The following AFAP1L1 variants were observed in gnomAD, a reference collection of about 807,000 sequenced individuals.
AFAP1L1 encodes actin filament-associated protein 1-like 1.
AFAP1L1 carries 77 observed loss-of-function variants against 99.8 expected under a neutral mutation model. The ratio of observed to expected loss-of-function variants is 0.77; its 90% confidence interval spans 0.64 to 0.93. AFAP1L1 has a LOEUF of 0.93. AFAP1L1 is among the 40% of genes least tolerant of loss of function. The pLI, the probability that AFAP1L1 is intolerant of heterozygous loss-of-function variation, is 0.00. For missense variants in AFAP1L1, 893 were observed against 996.8 expected (o/e 0.90, Z 1.40); for synonymous variants, 373 against 395.3 (o/e 0.94, Z 0.67).
At position 149,335,695 on chromosome 5, in the gene AFAP1L1, C is replaced by T; in HGVS notation, c.2256C>T (p.Asn752=). 3.7e-6 allele frequency: 6 copies of T among 1,614,036 alleles called. No homozygotes were observed. The highest frequency in any genetic ancestry group is 5.1e-6 in the Non-Finnish European group (6 of 1,180,008). The part of the protein sequence containing the change: ...RKRSPSIVAS[N]QGRVLQKAKE... ...GGAGCCCATCCATCGTAGCCTCCAACCAAGGAAGGGTGCTACAGAAAGCCA... is the reference window on the plus strand; with the variant it reads ...GGAGCCCATCCATCGTAGCCTCCAATCAAGGAAGGGTGCTACAGAAAGCCA... Residue 752 remains asparagine, a synonymous_variant, in exon 18 of 19, where the codon AAC becomes AAT. Transcript: ENST00000296721.
At chr5:149,291,548 AAAGAAAG>A (rs1755860019) in intron 1 of AFAP1L1, among the ~76,000 whole-genome samples, 2 of 128,326 alleles carry the variant, frequency 1.6e-5, no homozygotes, top group South Asian at 2.6e-4. Context: ...AAAAAAAAAA[AAAGAAAG>A]AAAGAAGAGA....
intron 17 of AFAP1L1, 53 bp downstream of exon 17, chr5:149,332,926 C>A: frequency 6.8e-7 from 1 of 1,460,934 alleles, no homozygotes; most frequent in South Asian, 1.4e-5. Flanking sequence ...TCCCTCCACT[C>A]ACTACAGATC....
chr5:149,311,219 C>G (rs1756619853), intron 8 of AFAP1L1, among the ~76,000 whole-genome samples: 1 of 152,178 alleles, frequency 6.6e-6, no homozygotes, highest in Admixed American at 6.5e-5. Flanking sequence ...CATGATGGAA[C>G]ATTTGGTGTT....
intron 5 of AFAP1L1, among the ~76,000 whole-genome samples, chr5:149,303,869 A>G (rs1452180377): frequency 6.6e-6 from 1 of 152,158 alleles, no homozygotes; most frequent in Non-Finnish European, 1.5e-5. Context: ...CTGTGGTAAA[A>G]TACACGTAAG....
In AFAP1L1 at chr5:149,300,213, C is replaced by T. The variant is rs574749669; in HGVS notation, c.146-58C>T. 69 of 1,301,954 alleles carry T rather than the reference C, an allele frequency of 5.3e-5. No individual in the cohort carries two copies. In the East Asian group the frequency reaches 1.1e-3, roughly 21 times the overall value. The allele number at this position is 1,301,954 out of a possible 1,614,324, so 80.7% of individuals were successfully genotyped here. ...ATGTGGGCTAGAAGTATGAGTGGGACGGGGGAGACCTGGTCCCTCCTCCTT... is the reference window on the plus strand; with the variant it reads ...ATGTGGGCTAGAAGTATGAGTGGGATGGGGGAGACCTGGTCCCTCCTCCTT... On this transcript the variant is annotated intron_variant, in intron 2 of 18. Coordinates refer to ENST00000296721, the MANE Select transcript of AFAP1L1 (RefSeq NM_152406.4).
intron 1 of AFAP1L1, 25 bp downstream of exon 1, chr5:149,272,009 C>T (rs1031254821): frequency 5.7e-6 from 7 of 1,238,200 alleles, no homozygotes; most frequent in Non-Finnish European, 4.1e-6. Context: ...GACGCCCGCA[C>T]TTGTTGCGGC....
At position 149,343,176 on chromosome 5, in the gene AFAP1L1, CT is replaced by C. The variant is rs1757604659; in HGVS notation, c.*3147del. On this transcript the variant is annotated 3_prime_UTR_variant, in exon 19 of 19. Transcript: ENST00000296721. ...TGGTCATGACACATTTGAGTTGGACCTCGGATTAGATAAAAAGATGAAAATA... is the reference window on the plus strand; with the variant it reads ...TGGTCATGACACATTTGAGTTGGACCCGGATTAGATAAAAAGATGAAAATA... Among the ~76,000 whole-genome samples, 1 of 152,012 alleles carries C rather than the reference CT, an allele frequency of 6.6e-6. No homozygotes were observed. The highest frequency in any genetic ancestry group is 2.1e-4 in the South Asian group (1 of 4,818).
intron 10 of AFAP1L1, 46 bp from the exon 11 acceptor site, chr5:149,316,105 T>C (rs751644183): frequency 1.9e-6 from 3 of 1,597,198 alleles, no homozygotes; most frequent in Non-Finnish European, 2.6e-6. Context: ...TAAGGATGGG[T>C]GGGACTCAGG....
chr5:149,295,064 A>C (rs1755975066), intron 1 of AFAP1L1, among the ~76,000 whole-genome samples: 1 of 152,226 alleles, frequency 6.6e-6, no homozygotes. Context: ...AAAGACTTGC[A>C]GGTTCAGTGC....
At chr5:149,336,267 A>G (rs1448530072) in intron 18 of AFAP1L1, among the ~76,000 whole-genome samples, 1 of 152,226 alleles carries the variant, frequency 6.6e-6, no homozygotes, top group Non-Finnish European at 1.5e-5. Flanking sequence ...CATGTTAATA[A>G]TTCTACGGCA....
In AFAP1L1 at chr5:149,315,902, AC is replaced by A; in HGVS notation, c.1104del (p.Cys369ValfsTer14). 6.2e-7 allele frequency: 1 copy of A among 1,613,982 alleles called. No individual in the cohort carries two copies. Among genetic ancestry groups the A allele is most frequent in the Non-Finnish European group, 8.5e-7 (1 of 1,180,008 alleles). ...CTGTTCTACCCTTGGCCGCCGGGAG[AC>A]CTGTGATCACGGTAGGAGCCTCTGG... is the stretch of plus-strand genomic sequence containing the variant. Reference protein sequence around the residue: ...DNCSTLGRRETCDHGKGKKSS... With the variant: ...DNCSTLGRREXCDHGKGKKSS... On this transcript the variant is annotated frameshift_variant, in exon 10 of 19. Coordinates refer to ENST00000296721, the MANE Select transcript of AFAP1L1 (RefSeq NM_152406.4). LOFTEE classifies it high-confidence loss of function.
At chr5:149,311,589 C>G (rs182057495) in intron 8 of AFAP1L1, among the ~76,000 whole-genome samples, 2 of 152,366 alleles carry the variant, frequency 1.3e-5, no homozygotes, top group East Asian at 3.9e-4. Context: ...ATTCCCTGAT[C>G]TCATGCTTAT....
chr5:149,283,883 G>A (rs352361), intron 1 of AFAP1L1, among the ~76,000 whole-genome samples: 75,843 of 152,040 alleles, frequency 0.5, 20,205 homozygotes, highest in East Asian at 0.79. Context: ...GCAACCAGGT[G>A]CAGCTCTCAG....
intron 8 of AFAP1L1, 26 bp downstream of exon 8, chr5:149,310,161 C>T (rs749881630): frequency 5.8e-6 from 9 of 1,555,288 alleles, no homozygotes; most frequent in African/African-American, 2.7e-5. Context: ...CTGACCTTCC[C>T]GCCTTCTCAC....
intron 1 of AFAP1L1, among the ~76,000 whole-genome samples, chr5:149,291,323 C>T (rs7378629): frequency 0.87 from 132,378 of 151,426 alleles, 58,112 homozygotes; most frequent in Non-Finnish European, 0.91. Flanking sequence ...GGTCAACAGA[C>T]CGACACCATC....
chr5:149,317,656 A>T, intron 11 of AFAP1L1, 73 bp from the exon 12 acceptor site: 1 of 1,526,316 alleles, frequency 6.6e-7, no homozygotes, highest in Non-Finnish European at 8.9e-7. Flanking sequence ...TCCAGCAGAC[A>T]CATGGAGCCG....
At position 149,332,787 on chromosome 5, in the gene AFAP1L1, C is replaced by T. The variant is rs1252841331; in HGVS notation, c.2068C>T (p.Leu690=). ...GCGCCGGATTGACCTGGAGCTGAAG[C>T]TGGTGGCTGTGAAGGAGCGCTTGCA... ...EERRIDLELK[L]VAVKERLQQS... The change falls in exon 17 of 19, where the codon CTG becomes TTG. Residue 690 remains leucine, a synonymous_variant. Coordinates refer to ENST00000296721, the MANE Select transcript of AFAP1L1 (RefSeq NM_152406.4). The T allele has an allele frequency of 1.2e-6, 2 of 1,613,494 alleles. No homozygotes were observed. The highest frequency in any genetic ancestry group is 2.2e-5 in the South Asian group (2 of 91,042).
In AFAP1L1 at chr5:149,329,656, A is replaced by C; in HGVS notation, c.1811-10A>C. 3.1e-6 allele frequency: 5 copies of C among 1,609,974 alleles called. No individual in the cohort carries two copies. The highest frequency in any genetic ancestry group is 4.2e-6 in the Non-Finnish European group (5 of 1,178,434). On this transcript the variant is annotated splice_polypyrimidine_tract_variant and intron_variant, in intron 15 of 18. Transcript: ENST00000296721. ...AACTGAGGGCCTTTCCCTTCCCCAT[A>C]TCTCTGCAGGTGCCAATCAATACAA...
Position 149,316,263 on chromosome 5 carries a change from C to A in AFAP1L1, c.1227C>A (p.Asp409Glu). The A allele has an allele frequency of 6.2e-7, 1 of 1,614,050 alleles. No homozygotes were observed. The highest frequency in any genetic ancestry group is 8.5e-7 in the Non-Finnish European group (1 of 1,179,994). ...GFSKKKTLAD[D>E]LQTSSTEEEV... ...CCAAGAAGAAGACACTGGCCGATGA[C>A]CTGCAGACGTCCTCCACCGAGGAGG... is the stretch of plus-strand genomic sequence containing the variant. Residue 409 changes from aspartate to glutamate, a missense_variant, in exon 11 of 19, where the codon GAC becomes GAA. Asp to Glu is a conservative substitution (Grantham distance 45). Coordinates refer to ENST00000296721, the MANE Select transcript of AFAP1L1 (RefSeq NM_152406.4).
Sources: gnomAD v4.1 joint callset for allele counts (sites outside exome capture counted in the v4.1 genomes callset) on GRCh38, gnomAD v4.1.1 for gene constraint, MANE v1.5 for transcripts, NCBI Gene and HGNC (gene_info 2026-07-23, HGNC 2026-07-21) for gene names.